PPP1R14C: variants seen among roughly 807,000 people sequenced by gnomAD.
PPP1R14C encodes the protein protein phosphatase 1 regulatory inhibitor subunit 14C.
Under a neutral mutation model 20.4 loss-of-function variants are expected in PPP1R14C, and 16 were observed. That is an observed-to-expected ratio of 0.78 (90% CI 0.53 to 1.19). The LOEUF (loss-of-function observed/expected upper bound fraction) is 1.19, where lower values mean the gene tolerates loss of function less well. PPP1R14C is among the 50% of genes most tolerant of loss of function. The probability of loss-of-function intolerance (pLI) is 0.00; values close to 1 mark genes in which losing one functional copy is unlikely to be tolerated. For missense variants in PPP1R14C, 211 were observed against 220.1 expected (o/e 0.96, Z 0.26); for synonymous variants, 91 against 91.0 (o/e 1.00, Z 0.00).
intron 1 of PPP1R14C, among the ~76,000 whole-genome samples, chr6:150,172,094 C>T (rs1777506670): frequency 6.6e-6 from 1 of 152,178 alleles, no homozygotes; most frequent in Admixed American, 6.5e-5. Context: ...AGGTGTGAGC[C>T]ACTGCACCCG....
At chr6:150,246,283 T>C (rs1778490285) in intron 3 of PPP1R14C, among the ~76,000 whole-genome samples, 1 of 152,144 alleles carries the variant, frequency 6.6e-6, no homozygotes, top group South Asian at 2.1e-4. Context: ...TTATAGGGTT[T>C]GTGATTTTTG....
At chr6:150,217,992 A>C (rs1477695248) in intron 3 of PPP1R14C, among the ~76,000 whole-genome samples, 1 of 152,166 alleles carries the variant, frequency 6.6e-6, no homozygotes, top group Admixed American at 6.5e-5. Flanking sequence ...AATTTTAGCC[A>C]CCAAAATATA....
chr6:150,208,271 TTGC>T (rs10595242), intron 1 of PPP1R14C, among the ~76,000 whole-genome samples: 7,069 of 152,222 alleles, frequency 0.046, 185 homozygotes, highest in Non-Finnish European at 0.056. Context: ...TCTGGAATAT[TTGC>T]TGTTGGCTTC....
At chr6:150,220,491 T>C (rs890827704) in intron 3 of PPP1R14C, among the ~76,000 whole-genome samples, 3 of 152,130 alleles carry the variant, frequency 2.0e-5, no homozygotes, top group African/African-American at 7.2e-5. Flanking sequence ...ACAAGAAAAA[T>C]AGAATTGTAG....
In PPP1R14C at chr6:150,182,921, A is replaced by C. The variant is rs138115999; in HGVS notation, c.307-31823A>C. Among the ~76,000 whole-genome samples, 482 of 152,332 alleles carry C rather than the reference A, an allele frequency of 3.2e-3. 5 individuals carry two copies. The highest frequency in any genetic ancestry group is 0.011 in the African/African-American group (469 of 41,574). On this transcript the variant is annotated intron_variant, in intron 1 of 3. Coordinates refer to ENST00000361131, the MANE Select transcript of PPP1R14C (RefSeq NM_030949.3). Reference sequence around the variant, plus strand: ...AGGCTACAAACCTGTGCATGTGACCATCCTGAATACTGTAGGCAGTTGTAA... The same window carrying C: ...AGGCTACAAACCTGTGCATGTGACCCTCCTGAATACTGTAGGCAGTTGTAA...
intron 1 of PPP1R14C, among the ~76,000 whole-genome samples, chr6:150,180,111 A>C (rs1777605443): frequency 6.6e-6 from 1 of 152,204 alleles, no homozygotes; most frequent in Non-Finnish European, 1.5e-5. Context: ...CTGAGGCGTG[A>C]GAATCACTTG....
At chr6:150,194,533 A>C in intron 1 of PPP1R14C, 2 of 976,016 alleles carry the variant, frequency 2.0e-6, no homozygotes, top group South Asian at 4.7e-5. Flanking sequence ...CTTTTCCATT[A>C]ATTAAAGGAG....
At chr6:150,171,706 A>G (rs1259394869) in intron 1 of PPP1R14C, among the ~76,000 whole-genome samples, 1 of 152,270 alleles carries the variant, frequency 6.6e-6, no homozygotes, top group Admixed American at 6.5e-5. Flanking sequence ...AGCACAAGAC[A>G]TATTTTATTT....
intron 1 of PPP1R14C, among the ~76,000 whole-genome samples, chr6:150,175,128 T>C (rs1052710241): frequency 2.0e-5 from 3 of 152,178 alleles, no homozygotes; most frequent in Non-Finnish European, 4.4e-5. Context: ...GTAGCTCACA[T>C]AGTGCTTATT....
intron 3 of PPP1R14C, among the ~76,000 whole-genome samples, chr6:150,229,830 G>T (rs985535840): frequency 6.6e-6 from 1 of 152,018 alleles, no homozygotes; most frequent in Non-Finnish European, 1.5e-5. Flanking sequence ...GTTCTGGTGC[G>T]CCATGCCAGC....
At chr6:150,196,565 T>C (rs114441336) in intron 1 of PPP1R14C, among the ~76,000 whole-genome samples, 1,901 of 152,288 alleles carry the variant, frequency 0.012, 44 homozygotes, top group African/African-American at 0.044. Flanking sequence ...CATTTAATCA[T>C]GTACCATTTA....
intron 1 of PPP1R14C, among the ~76,000 whole-genome samples, chr6:150,148,750 T>C (rs993579812): frequency 2.6e-5 from 4 of 152,184 alleles, no homozygotes; most frequent in Admixed American, 2.6e-4. Context: ...AAACTCAACC[T>C]GTCAACTACT....
At chr6:150,160,325 C>T (rs368531699) in intron 1 of PPP1R14C, among the ~76,000 whole-genome samples, 15 of 141,704 alleles carry the variant, frequency 1.1e-4, no homozygotes, top group Non-Finnish European at 1.8e-4. Flanking sequence ...AGTGCAGTGG[C>T]GCGATCTCGG....
intron 1 of PPP1R14C, among the ~76,000 whole-genome samples, chr6:150,159,643 G>C (rs1427236191): frequency 6.7e-6 from 1 of 149,204 alleles, no homozygotes; most frequent in Non-Finnish European, 1.5e-5. Flanking sequence ...AAACAAATAA[G>C]CTTTATGTTT....
intron 1 of PPP1R14C, among the ~76,000 whole-genome samples, chr6:150,147,187 T>A (rs935480601): frequency 2.0e-5 from 3 of 151,806 alleles, no homozygotes; most frequent in African/African-American, 7.3e-5. Flanking sequence ...TTGTTTTGTT[T>A]TTGTTTTTTT....
intron 1 of PPP1R14C, among the ~76,000 whole-genome samples, chr6:150,197,510 G>T (rs1777819403): frequency 6.6e-6 from 1 of 152,252 alleles, no homozygotes; most frequent in Non-Finnish European, 1.5e-5. Context: ...GGAACAGGTG[G>T]CGTAAAAGCT....
Position 150,246,333 on chromosome 6 carries a change from C to G in PPP1R14C, c.424-2413C>G, listed in dbSNP as rs1054344227. 3.3e-5 allele frequency among the ~76,000 whole-genome samples: 5 copies of G among 151,748 alleles called. No homozygotes were observed. In the East Asian group the frequency reaches 9.6e-4, roughly 29 times the overall value. Reference sequence around the variant, plus strand: ...AAAAAAACAAGCTTACATTCAAATACTGAAACTTTTTGTAGTAGTCATATG... The same window carrying G: ...AAAAAAACAAGCTTACATTCAAATAGTGAAACTTTTTGTAGTAGTCATATG... On this transcript the variant is annotated intron_variant, in intron 3 of 3. Transcript: ENST00000361131.
intron 3 of PPP1R14C, among the ~76,000 whole-genome samples, chr6:150,227,338 T>C (rs1182854737): frequency 2.6e-5 from 4 of 152,182 alleles, no homozygotes; most frequent in Non-Finnish European, 5.9e-5. Context: ...TCTACATCCA[T>C]TTTTAAAGCA....
At chr6:150,205,102 G>GCACGAACT (rs1380092740) in intron 1 of PPP1R14C, among the ~76,000 whole-genome samples, 8 of 152,088 alleles carry the variant, frequency 5.3e-5, no homozygotes, top group Admixed American at 4.6e-4. Context: ...AGATTTGGGG[G>GCACGAACT]CACGAACTAA....
Sources: allele counts gnomAD v4.1 joint callset (sites outside exome capture counted in the v4.1 genomes callset), GRCh38; gene constraint gnomAD v4.1.1; transcripts MANE v1.5; gene names NCBI Gene and HGNC (gene_info 2026-07-23, HGNC 2026-07-21).